CFTR: variants seen among roughly 807,000 people sequenced by gnomAD.
CFTR encodes the protein CF transmembrane conductance regulator, also known as cystic fibrosis transmembrane conductance regulator.
Under a neutral mutation model 171.6 loss-of-function variants are expected in CFTR, and 181 were observed. That is an observed-to-expected ratio of 1.05 (90% CI 0.93 to 1.19). The LOEUF is 1.19. Ranked by LOEUF, CFTR falls within the 50% of genes most tolerant of loss-of-function variation. CFTR has a pLI of 0.00. For missense variants in CFTR, 1,968 were observed against 1,734.7 expected, an observed-to-expected ratio of 1.13 and a Z score of -2.39; for synonymous variants, 583 against 608.0, an observed-to-expected ratio of 0.96 and a Z score of 0.60.
At chr7:117,634,429 C>A (rs1442801842) in intron 22 of CFTR, among the ~76,000 whole-genome samples, 1 of 151,866 alleles carries the variant, frequency 6.6e-6, no homozygotes, top group African/African-American at 2.4e-5. Flanking sequence ...TTTTGATGAA[C>A]CAACTTTTTG....
chr7:117,524,519 C>T (rs1252287804), intron 3 of CFTR, among the ~76,000 whole-genome samples: 1 of 151,778 alleles, frequency 6.6e-6, no homozygotes, highest in Non-Finnish European at 1.5e-5. Context: ...TTAAATATTG[C>T]CATTGTAAGC....
chr7:117,655,879 G>A (rs1012806895), intron 24 of CFTR, among the ~76,000 whole-genome samples: 3 of 152,080 alleles, frequency 2.0e-5, no homozygotes, highest in African/African-American at 7.2e-5. Flanking sequence ...TTGTTACATG[G>A]CAGAAGAGTG....
intron 24 of CFTR, among the ~76,000 whole-genome samples, chr7:117,657,888 A>G (rs1298140107): frequency 2.6e-5 from 4 of 152,186 alleles, no homozygotes; most frequent in African/African-American, 7.2e-5. Context: ...CTTGGCTTCC[A>G]TGTCCAGTGT....
intron 10 of CFTR, among the ~76,000 whole-genome samples, chr7:117,558,013 C>G (rs1297147769): frequency 6.6e-6 from 1 of 151,960 alleles, no homozygotes; most frequent in South Asian, 2.1e-4. Context: ...GGGCATAGCT[C>G]TGTGGCATAA....
intron 9 of CFTR, among the ~76,000 whole-genome samples, chr7:117,546,950 A>G (rs1312980471): frequency 1.3e-5 from 2 of 152,320 alleles, no homozygotes; most frequent in South Asian, 2.1e-4. Flanking sequence ...ATGTACTGCC[A>G]TATGACGTGG....
intron 1 of CFTR, among the ~76,000 whole-genome samples, chr7:117,488,749 T>C (rs1019147884): frequency 1.3e-5 from 2 of 152,130 alleles, no homozygotes; most frequent in African/African-American, 4.8e-5. Context: ...CCTAGTGCTC[T>C]AAAGTAAAGG....
chr7:117,649,817 TGTGA>T (rs1401539698), intron 23 of CFTR, among the ~76,000 whole-genome samples: 8 of 151,456 alleles, frequency 5.3e-5, no homozygotes, highest in Non-Finnish European at 8.8e-5. Context: ...GAAAGCAGAG[TGTGA>T]GTATTATGAG....
At chr7:117,550,593 G>A (rs1799252689) in intron 10 of CFTR, among the ~76,000 whole-genome samples, 1 of 152,216 alleles carries the variant, frequency 6.6e-6, no homozygotes, top group African/African-American at 2.4e-5. Context: ...AAACAAGGAT[G>A]TTTATTTATG....
intron 15 of CFTR, 40 bp from the exon 16 acceptor site, chr7:117,602,786 A>C: frequency 6.3e-7 from 1 of 1,584,522 alleles, no homozygotes; most frequent in Non-Finnish European, 8.7e-7. Flanking sequence ...ATAGGTGAAG[A>C]TGTTAGAAAA....
intron 3 of CFTR, among the ~76,000 whole-genome samples, chr7:117,513,130 G>C (rs190659177): frequency 6.6e-6 from 1 of 152,226 alleles, no homozygotes; most frequent in Admixed American, 6.5e-5. Context: ...ATTGATAAGA[G>C]GAAAAGCACA....
At chr7:117,654,050 T>G (rs1793127505) in intron 24 of CFTR, among the ~76,000 whole-genome samples, 2 of 152,194 alleles carry the variant, frequency 1.3e-5, no homozygotes, top group African/African-American at 4.8e-5. Flanking sequence ...CCAGGCTCAC[T>G]GGGGTGGTGT....
chr7:117,502,768 G>A (rs1798352973), intron 1 of CFTR, among the ~76,000 whole-genome samples: 2 of 152,102 alleles, frequency 1.3e-5, no homozygotes, highest in African/African-American at 4.8e-5. Flanking sequence ...GGCAATGAAG[G>A]GTAAACCTAA....
rs138694099 is a variant in CFTR, at chr7:117,642,677, A to G, written c.3873+84A>G. On this transcript the variant is annotated intron_variant, in intron 23 of 26. Coordinates refer to ENST00000003084, the MANE Select transcript of CFTR (RefSeq NM_000492.4). Reference sequence around the variant, plus strand: ...TGATACTTGTACTCAAGAAATTCATATTACTCTGCAAAATATATTTGTTAT... The same window carrying G: ...TGATACTTGTACTCAAGAAATTCATGTTACTCTGCAAAATATATTTGTTAT... 85 of 1,386,588 alleles carry G rather than the reference A, an allele frequency of 6.1e-5. No individual in the cohort carries two copies. The African/African-American group carries it at 1.2e-3, about 20-fold the overall frequency. The allele number at this position is 1,386,588 out of a possible 1,614,324, so 85.9% of individuals were successfully genotyped here.
chr7:117,567,483 A>G (rs962283185), intron 11 of CFTR, among the ~76,000 whole-genome samples: 2 of 152,182 alleles, frequency 1.3e-5, no homozygotes, highest in African/African-American at 4.8e-5. Context: ...CCATTATTAT[A>G]TTTCAGAATC....
chr7:117,623,956 C>G (rs1487759639), intron 21 of CFTR, among the ~76,000 whole-genome samples: 2 of 151,976 alleles, frequency 1.3e-5, no homozygotes. Context: ...CTTTGAAGGC[C>G]CTATACTTAA....
intron 20 of CFTR, among the ~76,000 whole-genome samples, chr7:117,614,278 G>A (rs376717549): frequency 3.3e-5 from 5 of 151,816 alleles, no homozygotes; most frequent in Admixed American, 6.6e-5. Flanking sequence ...ATATGTTACC[G>A]TTATTACTTA....
intron 21 of CFTR, among the ~76,000 whole-genome samples, chr7:117,621,534 C>A (rs1048276413): frequency 3.3e-5 from 5 of 152,044 alleles, no homozygotes; most frequent in South Asian, 2.1e-4. Flanking sequence ...ATTGATGGAC[C>A]ACCAGCAAAT....
intron 2 of CFTR, among the ~76,000 whole-genome samples, chr7:117,507,350 C>T (rs1199638335): frequency 2.6e-5 from 4 of 152,210 alleles, no homozygotes; most frequent in African/African-American, 9.6e-5. Context: ...CATCTCAGCT[C>T]CTGAAGTATG....
At chr7:117,658,713 G>A (rs1004723141) in intron 24 of CFTR, among the ~76,000 whole-genome samples, 3 of 152,008 alleles carry the variant, frequency 2.0e-5, no homozygotes, top group African/African-American at 7.3e-5. Flanking sequence ...TTCCTCCACG[G>A]GTACCCACAT....
Sources: allele counts gnomAD v4.1 joint callset (sites outside exome capture counted in the v4.1 genomes callset), GRCh38; gene constraint gnomAD v4.1.1; transcripts MANE v1.5; gene names NCBI Gene and HGNC (gene_info 2026-07-23, HGNC 2026-07-21).